The following INTS12 variants were observed in gnomAD, a reference collection of about 807,000 sequenced individuals.
INTS12 encodes PHD finger protein 22.
A neutral mutation model predicts 41.6 loss-of-function variants in INTS12; 13 were observed. The ratio of observed to expected loss-of-function variants is 0.31; its 90% CI spans 0.20 to 0.50. The LOEUF (loss-of-function observed/expected upper bound fraction) is 0.50, where lower values mean the gene tolerates loss of function less well. Ranked by LOEUF, INTS12 falls within the 20% of genes least tolerant of loss-of-function variation. The pLI, the probability that INTS12 is intolerant of heterozygous loss-of-function variation, is 0.98. For missense variants in INTS12, 432 were observed against 541.6 expected (o/e 0.80, Z 2.01); for synonymous variants, 199 against 191.4 (o/e 1.04, Z -0.33).
rs1731754420 is a variant in INTS12, at chr4:105,693,396, T to G, written c.400A>C (p.Ser134Arg). ...ETQSSPITVQ[S>R]SKDLPMADLS... ...TCAGCCATAGGTAAATCCTTGCTAC[T>G]TTGGACAGTAATGGGAGATGACTGT... The change falls in exon 5 of 8, where the codon AGT becomes CGT. Residue 134 changes from serine to arginine, a missense_variant. Physicochemically the swap from Ser to Arg is moderately radical, Grantham distance 110. Transcript: ENST00000340139. The G allele has an allele frequency of 6.2e-7, 1 of 1,613,972 alleles. No homozygotes were observed.
At position 105,683,270 on chromosome 4, in the gene INTS12, C is replaced by G. The variant is rs141555014; in HGVS notation, c.852G>C (p.Ser284=). The change falls in exon 8 of 8, where the codon TCG becomes TCC. Residue 284 remains serine (S), a synonymous_variant. Coordinates refer to ENST00000340139, the MANE Select transcript of INTS12 (RefSeq NM_020395.4). ...ATCCAGTTAAGCCACTAGTTACTGA[C>G]GAGGAAACGCTGGCACTAGAAGAAT... ...SGNSSSASVS[S]SVTSGLTGWA... 2 of 1,613,478 alleles carry G rather than the reference C, an allele frequency of 1.2e-6. No homozygotes were observed. The highest frequency in any genetic ancestry group is 1.7e-5 in the Admixed American group (1 of 59,896).
chr4:105,686,916 C>T, intron 6 of INTS12, 78 bp from the exon 7 acceptor site: 1 of 1,250,952 alleles, frequency 8.0e-7, no homozygotes, highest in Non-Finnish European at 1.2e-6. Flanking sequence ...TCACAGGACT[C>T]ATCACTGAAA....
At chr4:105,696,139 C>T (rs1731857774) in intron 3 of INTS12, among the ~76,000 whole-genome samples, 1 of 152,192 alleles carries the variant, frequency 6.6e-6, no homozygotes, top group Non-Finnish European at 1.5e-5. Context: ...ACGTGTACCA[C>T]CACACCTGGC....
At chr4:105,707,692 A>G (rs1320980241) in intron 1 of INTS12, among the ~76,000 whole-genome samples, 1 of 152,184 alleles carries the variant, frequency 6.6e-6, no homozygotes, top group African/African-American at 2.4e-5. Context: ...TAATTCATTA[A>G]TCCCACTGGT....
intron 6 of INTS12, 149 bp downstream of exon 6, chr4:105,691,827 T>C (rs1731696977): frequency 2.0e-6 from 1 of 488,600 alleles, no homozygotes; most frequent in South Asian, 6.9e-5. Flanking sequence ...GAAATATTAA[T>C]CACATGTACA....
rs764900429 is a variant in INTS12 at position 105,686,827 on chromosome 4, A to G, written c.669T>C (p.Thr223=). The part of the protein sequence containing the change: ...TRQMKRMAQK[T]QKPPQKPAPA... ...GGGCTGGTTTCTGCGGTGGTTTCTG[A>G]GTTTTTTGAGCCTGCAAAAATCAGT... The change falls in exon 7 of 8, where the codon ACT becomes ACC. Residue 223 remains threonine (T), a synonymous_variant. Transcript: ENST00000340139. 14 of 1,613,714 alleles carry G rather than the reference A, an allele frequency of 8.7e-6. No homozygotes were observed. Among genetic ancestry groups the G allele is most frequent in the Non-Finnish European group, 1.0e-5 (12 of 1,179,870 alleles).
intron 1 of INTS12, chr4:105,705,794 T>G (rs930850176): frequency 1.3e-5 from 2 of 152,254 alleles, no homozygotes; most frequent in African/African-American, 4.8e-5. Context: ...GAAGTTTCAC[T>G]GTTACATAGC....
chr4:105,683,627 T>G lies in INTS12; in HGVS notation c.805-310A>C, dbSNP rs114327899. Among the ~76,000 whole-genome samples the G allele has an allele frequency of 3.8e-3, 585 of 152,320 alleles. 2 individuals carry two copies. Among genetic ancestry groups the G allele is most frequent in the African/African-American group, 0.013 (556 of 41,580 alleles). On this transcript the variant is annotated intron_variant, in intron 7 of 7. Transcript: ENST00000340139. ...GAAAACCAGATTTAGTGCTTTAACA[T>G]AGTTTTTACCCAACAAAGTATTATC...
At chr4:105,695,236 C>T (rs1230068993) in intron 4 of INTS12, among the ~76,000 whole-genome samples, 1 of 152,110 alleles carries the variant, frequency 6.6e-6, no homozygotes, top group Non-Finnish European at 1.5e-5. Flanking sequence ...TCTAGGATCT[C>T]TGAGGCATAG....
intron 2 of INTS12, among the ~76,000 whole-genome samples, chr4:105,700,868 T>C (rs1732046857): frequency 6.6e-6 from 1 of 152,162 alleles, no homozygotes; most frequent in African/African-American, 2.4e-5. Flanking sequence ...ATACCAATGC[T>C]ATCATGTGGT....
At position 105,682,742 on chromosome 4, in the gene INTS12, GA is replaced by G; in HGVS notation, c.1379del (p.Leu460ProfsTer8). Reference sequence around the variant, plus strand: ...AACCTACTTGGCCACATTACTTCTTGAGTTTCTTTTGGGCAGCTTTCTTCTT... The same window carrying G: ...AACCTACTTGGCCACATTACTTCTTGGTTTCTTTTGGGCAGCTTTCTTCTT... The part of the protein sequence containing the change: ...MVKKKAAQKK[L>X]KK On this transcript the variant is annotated frameshift_variant, in exon 8 of 8. Transcript: ENST00000340139. LOFTEE classifies it high-confidence loss of function. 1 of 1,613,004 alleles carries G rather than the reference GA, an allele frequency of 6.2e-7. No homozygotes were observed. The highest frequency in any genetic ancestry group is 8.5e-7 in the Non-Finnish European group (1 of 1,179,254).
chr4:105,695,654 G>A lies in INTS12; in HGVS notation c.171C>T (p.Pro57=), dbSNP rs375619490. 1 of 1,611,964 alleles carries A rather than the reference G, an allele frequency of 6.2e-7. No individual in the cohort carries two copies. Among genetic ancestry groups the A allele is most frequent in the East Asian group, 2.2e-5 (1 of 44,744 alleles). ...YRPSQKDVEP[P]KISSTKNISI... The stretch of plus-strand genomic sequence containing the variant: ...AAATGTTTTTTGTGCTTGAAATTTT[G>A]GGTGGCTCCACATCCTAAAAGATGA... Residue 57 remains proline, a synonymous_variant, in exon 4 of 8, where the codon CCC becomes CCT. Coordinates refer to ENST00000340139, the MANE Select transcript of INTS12 (RefSeq NM_020395.4).
rs754230359 is a variant in INTS12 at position 105,697,060 on chromosome 4, CTAAGT to C, written c.157-1397_157-1393del. On this transcript the variant is annotated intron_variant, in intron 3 of 7. Transcript: ENST00000340139. ...AGAAATGAATCTGTTTGTTTTATTA[CTAAGT>C]TAAAAGAGTTCTTCATAGATTTTGG... Among the ~76,000 whole-genome samples the C allele has an allele frequency of 2.1e-4, 32 of 152,280 alleles. 1 individual carries two copies. The South Asian group carries it at 5.8e-3, about 28-fold the overall frequency.
intron 2 of INTS12, 134 bp from the exon 3 acceptor site, chr4:105,700,148 T>A: frequency 2.0e-6 from 1 of 506,492 alleles, no homozygotes; most frequent in Non-Finnish European, 3.1e-6. Context: ...ACCAAAAAGT[T>A]ATTACAAATA....
intron 1 of INTS12, among the ~76,000 whole-genome samples, chr4:105,705,100 TGCA>T (rs1177412993): frequency 3.3e-5 from 5 of 152,226 alleles, no homozygotes; most frequent in Non-Finnish European, 5.9e-5. Flanking sequence ...CTTCAGGCCA[TGCA>T]GCAGGAGGTG....
chr4:105,688,005 CCTCAGGCAAAATAT>C (rs1731555031), intron 6 of INTS12, among the ~76,000 whole-genome samples: 1 of 152,062 alleles, frequency 6.6e-6, no homozygotes, highest in Non-Finnish European at 1.5e-5. Flanking sequence ...AGATACATTA[CCTCAGGCAAAATAT>C]GTGAATCTCT....
chr4:105,688,776 A>G (rs892719588), intron 6 of INTS12, among the ~76,000 whole-genome samples: 5 of 152,220 alleles, frequency 3.3e-5, no homozygotes, highest in African/African-American at 1.2e-4. Context: ...ATTATGATGA[A>G]GCCCCAGGAA....
intron 3 of INTS12, 72 bp downstream of exon 3, chr4:105,699,778 G>A: frequency 1.0e-6 from 1 of 982,612 alleles, no homozygotes. Context: ...GTTTTGAGAT[G>A]GTCTATATGT....
At chr4:105,693,721 A>T (rs766726689) in intron 4 of INTS12, among the ~76,000 whole-genome samples, 1 of 152,224 alleles carries the variant, frequency 6.6e-6, no homozygotes, top group Non-Finnish European at 1.5e-5. Context: ...AGTTTAACAA[A>T]TATTTGTATT....
Sources: allele counts gnomAD v4.1 joint callset (sites outside exome capture counted in the v4.1 genomes callset), GRCh38; gene constraint gnomAD v4.1.1; transcripts MANE v1.5; gene names NCBI Gene and HGNC (gene_info 2026-07-23, HGNC 2026-07-21).